Variants in ZNF536 observed in about 807,000 individuals in gnomAD.
The protein encoded by ZNF536 is zinc finger protein 536.
Under a neutral mutation model 84.5 loss-of-function variants are expected in ZNF536, and 13 were observed. That is an observed-to-expected ratio of 0.15 (90% confidence interval 0.10 to 0.24). The LOEUF is 0.24. Among genes scored for constraint, ZNF536 ranks in the 10% least tolerant of loss-of-function variants. The probability of loss-of-function intolerance (pLI) is 1.00; values close to 1 mark genes in which losing one functional copy is unlikely to be tolerated. For synonymous variants in ZNF536, 811 were observed against 742.5 expected (o/e 1.09, Z -1.50); for missense variants, 1,536 against 1,747.5 (o/e 0.88, Z 2.16).
chr19:30,479,368 C>A (rs751932515), intron 2 of ZNF536, among the ~76,000 whole-genome samples: 2 of 152,154 alleles, frequency 1.3e-5, no homozygotes, highest in Admixed American at 6.5e-5. Flanking sequence ...CAAATTCCAC[C>A]GGCTGAAAGT....
Position 30,667,625 on chromosome 19 carries a change from C to CTTTTTTTT in ZNF536, c.170-43124_170-43117dup, listed in dbSNP as rs57656065. Among the ~76,000 whole-genome samples the CTTTTTTTT allele has an allele frequency of 5.4e-3, 670 of 123,976 alleles. 13 individuals are homozygous for CTTTTTTTT. Among genetic ancestry groups the CTTTTTTTT allele is most frequent in the African/African-American group, 0.018 (551 of 31,270 alleles). The allele number at this position is 123,976 out of a possible 152,430, so 81.3% of individuals were successfully genotyped here. ...CTCTCTCAGCTAGAGTTTTTTCTAGCTTTTTTTTTTTTTTTAATTAATGAG... is the reference window on the plus strand; with the variant it reads ...CTCTCTCAGCTAGAGTTTTTTCTAGCTTTTTTTTTTTTTTTTTTTTTTTAATTAATGAG... On this transcript the variant is annotated intron_variant, in intron 1 of 1. Transcript: ENST00000592773.
intron 1 of ZNF536, among the ~76,000 whole-genome samples, chr19:30,607,742 A>G (rs2047950415): frequency 6.6e-6 from 1 of 151,856 alleles, no homozygotes; most frequent in South Asian, 2.1e-4. Flanking sequence ...ATACTTTCAG[A>G]AAAAAGTCCC....
intron 1 of ZNF536, among the ~76,000 whole-genome samples, chr19:30,414,460 G>C (rs1018306841): frequency 2.0e-5 from 3 of 151,986 alleles, no homozygotes; most frequent in African/African-American, 7.2e-5. Context: ...TTATTGCATG[G>C]ATGAAATTTT....
rs553947346 is a variant in ZNF536 at position 30,537,547 on chromosome 19, G to A, written c.2323+2548G>A. Among the ~76,000 whole-genome samples, 23 of 152,258 alleles carry A rather than the reference G, an allele frequency of 1.5e-4. 1 individual carries two copies. In the South Asian group the frequency reaches 4.6e-3, roughly 30 times the overall value. On this transcript the variant is annotated intron_variant, in intron 3 of 4. Transcript: ENST00000355537. The stretch of plus-strand genomic sequence containing the variant: ...GAAAGGCGGTGCCTCTCAACGAGGG[G>A]CTCCACTAACCCTGTCGGCCCAAGA...
intron 3 of ZNF536, among the ~76,000 whole-genome samples, chr19:30,356,609 A>G (rs1208649686): frequency 6.6e-6 from 1 of 152,244 alleles, no homozygotes; most frequent in Non-Finnish European, 1.5e-5. Context: ...CTTTTGGAAG[A>G]AAAGATCCCA....
intron 3 of ZNF536, among the ~76,000 whole-genome samples, chr19:30,361,537 C>T (rs1387549577): frequency 1.3e-5 from 2 of 151,968 alleles, no homozygotes; most frequent in African/African-American, 4.8e-5. Context: ...GGAGGGCATC[C>T]GGGGAGAGGC....
At chr19:30,448,204 T>G (rs2052440267) in intron 2 of ZNF536, among the ~76,000 whole-genome samples, 1 of 152,208 alleles carries the variant, frequency 6.6e-6, no homozygotes, top group Non-Finnish European at 1.5e-5. Flanking sequence ...CTTTCATAAT[T>G]TTCTGACTAA....
intron 2 of ZNF536, among the ~76,000 whole-genome samples, chr19:30,479,755 C>A (rs1377476406): frequency 6.6e-6 from 1 of 152,234 alleles, no homozygotes; most frequent in East Asian, 1.9e-4. Flanking sequence ...GGGTGAGAGT[C>A]CCTCCCTTCC....
At chr19:30,356,272 G>A (rs936450069) in intron 3 of ZNF536, among the ~76,000 whole-genome samples, 5 of 152,210 alleles carry the variant, frequency 3.3e-5, no homozygotes, top group African/African-American at 9.6e-5. Context: ...GGCACTCAGA[G>A]CCTATAGAAC....
intron 1 of ZNF536, among the ~76,000 whole-genome samples, chr19:30,579,552 A>C (rs1305280751): frequency 2.0e-5 from 3 of 152,126 alleles, no homozygotes; most frequent in African/African-American, 4.8e-5. Flanking sequence ...ACGCAGAGGC[A>C]CTTCTGCCCA....
intron 1 of ZNF536, among the ~76,000 whole-genome samples, chr19:30,682,113 C>A (rs1030027597): frequency 1.3e-5 from 2 of 152,090 alleles, no homozygotes; most frequent in Admixed American, 1.3e-4. Context: ...GCTTGCGGAC[C>A]ACCAGGGGCC....
rs573808763 is a variant in ZNF536 at position 30,239,710 on chromosome 19, G to A, written c.-190+11037G>A. Among the ~76,000 whole-genome samples the A allele has an allele frequency of 3.3e-5, 5 of 152,318 alleles. No homozygotes were observed. The East Asian group carries it at 9.7e-4, about 29-fold the overall frequency. ...CCAACATCCCATCCTCTGCTGGTGGGTGAGGAATGCTTCTTCCCATGCTCA... is the reference window on the plus strand; with the variant it reads ...CCAACATCCCATCCTCTGCTGGTGGATGAGGAATGCTTCTTCCCATGCTCA... On this transcript the variant is annotated intron_variant, in intron 1 of 5. Transcript: ENST00000585628.
At chr19:30,323,285 C>T (rs1657394652) in intron 2 of ZNF536, among the ~76,000 whole-genome samples, 1 of 152,164 alleles carries the variant, frequency 6.6e-6, no homozygotes, top group Admixed American at 6.5e-5. Context: ...AGCCCTTTAT[C>T]CCTTCCTTTC....
At chr19:30,700,001 C>CTCTT (rs1020437470) in intron 1 of ZNF536, among the ~76,000 whole-genome samples, 18 of 151,802 alleles carry the variant, frequency 1.2e-4, no homozygotes, top group Non-Finnish European at 2.2e-4. Flanking sequence ...TCTCTTTTTT[C>CTCTT]TCTTTCTTTC....
chr19:30,449,548 G>GAAT (rs2052502619), intron 2 of ZNF536, among the ~76,000 whole-genome samples: 4 of 152,078 alleles, frequency 2.6e-5, no homozygotes, highest in Non-Finnish European at 5.9e-5. Flanking sequence ...TATCCAACAG[G>GAAT]GCAGTTACCT....
At chr19:30,232,815 A>G (rs981725055) in intron 1 of ZNF536, among the ~76,000 whole-genome samples, 3 of 152,172 alleles carry the variant, frequency 2.0e-5, no homozygotes, top group Non-Finnish European at 4.4e-5. Context: ...TGTGCGTTGT[A>G]GGATGTTTGG....
chr19:30,494,456 G>A (rs79527721), intron 2 of ZNF536, among the ~76,000 whole-genome samples: 3,095 of 152,276 alleles, frequency 0.02, 44 homozygotes, highest in African/African-American at 0.034. Flanking sequence ...TGTCTGAAGG[G>A]TGCGACAATG....
chr19:30,596,420 T>C (rs896202616), intron 1 of ZNF536, among the ~76,000 whole-genome samples: 26 of 152,356 alleles, frequency 1.7e-4, no homozygotes, highest in African/African-American at 6.3e-4. Context: ...TTATATTCTT[T>C]GTTGACAGCC....
rs573967048 is a variant in ZNF536, at chr19:30,399,351, C to T, written c.-3+26795C>T. 2.7e-3 allele frequency among the ~76,000 whole-genome samples: 403 copies of T among 151,862 alleles called. 6 individuals are homozygous for T. Among genetic ancestry groups the T allele is most frequent in the Non-Finnish European group, 1.1e-3 (74 of 67,958 alleles). ...GATGGATAGATTGCAAAAATTTTCTCCCATTCTGTAGGTTGCCTGTTCACT... is the reference window on the plus strand; with the variant it reads ...GATGGATAGATTGCAAAAATTTTCTTCCATTCTGTAGGTTGCCTGTTCACT... On this transcript the variant is annotated intron_variant, in intron 1 of 4. Transcript: ENST00000355537.
Sources: gnomAD v4.1 joint callset for allele counts (sites outside exome capture counted in the v4.1 genomes callset) on GRCh38, gnomAD v4.1.1 for gene constraint, MANE v1.5 for transcripts, NCBI Gene and HGNC (gene_info 2026-07-23, HGNC 2026-07-21) for gene names.